Variants in ABCC3 observed in about 807,000 individuals in gnomAD.
ABCC3 encodes the protein ATP-binding cassette sub-family C member 3.
Under a neutral mutation model 165.3 loss-of-function variants are expected in ABCC3, and 121 were observed. The ratio of observed to expected loss-of-function variants is 0.73; its 90% CI spans 0.63 to 0.85. The LOEUF is 0.85. Among genes scored for constraint, ABCC3 ranks in the 40% least tolerant of loss-of-function variants. The pLI is 0.00. For missense variants in ABCC3, 1,869 were observed against 1,964.1 expected (o/e 0.95, Z 0.92); for synonymous variants, 733 against 810.1 (o/e 0.90, Z 1.62).
chr17:50,639,817 G>A (rs1159834163), intron 1 of ABCC3, among the ~76,000 whole-genome samples: 3 of 150,844 alleles, frequency 2.0e-5, no homozygotes, highest in Admixed American at 6.6e-5. Context: ...AGGCTGAAGT[G>A]CAGTAGCACA....
intron 1 of ABCC3, among the ~76,000 whole-genome samples, chr17:50,645,170 C>T (rs1966979502): frequency 6.6e-6 from 1 of 151,244 alleles, no homozygotes; most frequent in Non-Finnish European, 1.5e-5. Context: ...CACTGCACTC[C>T]AGCCTGGGTG....
chr17:50,672,870 G>GAAAA, intron 17 of ABCC3, 101 bp from the exon 18 acceptor site: 4 of 959,226 alleles, frequency 4.2e-6, no homozygotes, highest in African/African-American at 1.8e-5. Context: ...CCCATCTCAG[G>GAAAA]AAAAAAAAAA....
Position 50,673,465 on chromosome 17 carries a change from C to G in ABCC3, c.2410-4C>G. 1 of 1,613,566 alleles carries G rather than the reference C, an allele frequency of 6.2e-7. No individual in the cohort carries two copies. Among genetic ancestry groups the G allele is most frequent in the Non-Finnish European group, 8.5e-7 (1 of 1,179,686 alleles). On this transcript the variant is annotated splice_region_variant and splice_polypyrimidine_tract_variant and intron_variant, in intron 18 of 30. Coordinates refer to ENST00000285238, the MANE Select transcript of ABCC3 (RefSeq NM_003786.4). ...GGGGTGAGAGCCTGCTGCCTTCTCC[C>G]CAGACGCGAGTGCTGGTGACGCACG...
rs753736110 is a variant in ABCC3 at position 50,660,960 on chromosome 17, G to A, written c.844G>A (p.Gly282Ser). 6.4e-5 allele frequency: 103 copies of A among 1,612,370 alleles called. No individual in the cohort carries two copies. Among genetic ancestry groups the A allele is most frequent in the Middle Eastern group, 3.3e-4 (2 of 6,066 alleles). ...AGCAGCACCTGGGAAAAATGCCTCC[G>A]GCGAGGACGAGGTGCTGCTGGGTGC... ...ASAAPGKNAS[G>S]EDEVLLGARP... Residue 282 changes from glycine to serine, a missense_variant, in exon 8 of 31, where the codon GGC becomes AGC. Transcript: ENST00000285238.
chr17:50,687,060 GA>G (rs1413802981), intron 29 of ABCC3, among the ~76,000 whole-genome samples: 1 of 152,196 alleles, frequency 6.6e-6, no homozygotes, highest in Non-Finnish European at 1.5e-5. Context: ...TCTTGTCCCA[GA>G]AGCAGAGCCC....
chr17:50,678,328 C>A, intron 25 of ABCC3, 109 bp downstream of exon 25: 3 of 1,208,182 alleles, frequency 2.5e-6, no homozygotes, highest in African/African-American at 1.5e-5. Flanking sequence ...GCACCAGCCA[C>A]AGGGTCTGTT....
In ABCC3 at chr17:50,687,555, G is replaced by C. The variant is rs559149910; in HGVS notation, c.4300G>C (p.Val1434Leu). 4.3e-6 allele frequency: 7 copies of C among 1,613,666 alleles called. No homozygotes were observed. The highest frequency in any genetic ancestry group is 1.1e-5 in the South Asian group (1 of 91,090). Residue 1434 changes from valine to leucine, a missense_variant, in exon 30 of 31, where the codon GTG becomes CTG. By Grantham distance (32) the Val-to-Leu change is conservative. Transcript: ENST00000285238. Reference protein sequence around the residue: ...ENLSVGQRQLVCLARALLRKS... With the variant: ...ENLSVGQRQLLCLARALLRKS... ...TCCCAGCGTGGGCCAGAGGCAGCTC[G>C]TGTGCCTGGCCCGAGCCCTGCTCCG...
chr17:50,680,745 C>T (rs577550395), intron 26 of ABCC3, among the ~76,000 whole-genome samples: 1 of 152,236 alleles, frequency 6.6e-6, no homozygotes, highest in African/African-American at 2.4e-5. Flanking sequence ...CTGAGCCCAC[C>T]AATCTGCCTT....
intron 29 of ABCC3, among the ~76,000 whole-genome samples, chr17:50,685,221 C>T (rs909970563): frequency 6.6e-6 from 1 of 152,186 alleles, no homozygotes; most frequent in African/African-American, 2.4e-5. Flanking sequence ...CCTCTCCCCT[C>T]CAGAGCTTTC....
chr17:50,667,681 G>T lies in ABCC3; in HGVS notation c.1559G>T (p.Gly520Val), dbSNP rs1297397783. 45 of 1,614,058 alleles carry T rather than the reference G, an allele frequency of 2.8e-5. No individual in the cohort carries two copies. Among genetic ancestry groups the T allele is most frequent in the Non-Finnish European group, 3.6e-5 (43 of 1,180,040 alleles). The change falls in exon 12 of 31, where the codon GGT becomes GTT. Residue 520 changes from glycine to valine, a missense_variant. Transcript: ENST00000285238. ...FLKQVEGIRQ[G>V]ELQLLRTAAY... ...AAGCAGGTGGAGGGCATCAGGCAGG[G>T]TGAGCTCCAGCTGCTGCGCACGGCG...
chr17:50,637,782 CG>C (rs2054193117), intron 1 of ABCC3, among the ~76,000 whole-genome samples: 1 of 152,148 alleles, frequency 6.6e-6, no homozygotes, highest in Non-Finnish European at 1.5e-5. Context: ...TGACATTCCC[CG>C]GAAGAGGGAG....
chr17:50,672,921 C>T lies in ABCC3; in HGVS notation c.2242-50C>T, dbSNP rs34925102. ...CAAATAACAGTGGACAGGCCGTTGTCTCCCTGTGCCTGTCTGACCCCATTT... is the reference window on the plus strand; with the variant it reads ...CAAATAACAGTGGACAGGCCGTTGTTTCCCTGTGCCTGTCTGACCCCATTT... On this transcript the variant is annotated intron_variant, in intron 17 of 30. Coordinates refer to ENST00000285238, the MANE Select transcript of ABCC3 (RefSeq NM_003786.4). The T allele has an allele frequency of 7.8e-4, 1,216 of 1,549,578 alleles. 7 individuals carry two copies. The Middle Eastern group carries it at 0.022, about 28-fold the overall frequency.
chr17:50,659,031 G>C (rs1967319795), intron 6 of ABCC3, among the ~76,000 whole-genome samples: 1 of 152,162 alleles, frequency 6.6e-6, no homozygotes, highest in African/African-American at 2.4e-5. Context: ...AGGAGAAGGG[G>C]GTAGTGGTAG....
At chr17:50,653,344 CAAAAAAAAA>C (rs1298179994) in intron 1 of ABCC3, among the ~76,000 whole-genome samples, 1 of 47,758 alleles carries the variant, frequency 2.1e-5, no homozygotes. Flanking sequence ...GAGACTGTCT[CAAAAAAAAA>C]AAAAAAAAAA....
rs1315164599 is a variant in ABCC3, at chr17:50,691,227, C to A, written c.*27C>A. The A allele has an allele frequency of 3.2e-6, 5 of 1,565,720 alleles. No homozygotes were observed. The highest frequency in any genetic ancestry group is 1.4e-5 in the African/African-American group (1 of 73,950). ...ATATATTCCTGAGATTTCCTCCTGG[C>A]CTTTCCTGGTTTTCATCAGGAAGGA... On this transcript the variant is annotated 3_prime_UTR_variant, in exon 31 of 31. Transcript: ENST00000285238.
chr17:50,642,238 A>G (rs547203707), intron 1 of ABCC3, among the ~76,000 whole-genome samples: 13 of 152,336 alleles, frequency 8.5e-5, no homozygotes, highest in East Asian at 7.7e-4. Flanking sequence ...CGTGTTTTGT[A>G]TGACGTGTCC....
chr17:50,688,190 G>A (rs559057873), intron 30 of ABCC3, among the ~76,000 whole-genome samples: 155 of 152,244 alleles, frequency 1.0e-3, no homozygotes, highest in Non-Finnish European at 1.9e-3. Flanking sequence ...GATTACAGGC[G>A]TGAGCCACTG....
At position 50,683,713 on chromosome 17, in the gene ABCC3, T is replaced by A. The variant is rs954030232; in HGVS notation, c.3911T>A (p.Leu1304Gln). 6.2e-7 allele frequency: 1 copy of A among 1,608,290 alleles called. No individual in the cohort carries two copies. Among genetic ancestry groups the A allele is most frequent in the African/African-American group, 1.3e-5 (1 of 74,592 alleles). ...YSVRYRPGLD[L>Q]VLRDLSLHVH... ...GTGCGCTACCGGCCGGGCCTAGACC[T>A]GGTGCTGAGAGACCTGAGTCTGCAT... The change falls in exon 27 of 31, where the codon CTG becomes CAG. Residue 1304 changes from leucine to glutamine, a missense_variant. Transcript: ENST00000285238.
At position 50,667,789 on chromosome 17, in the gene ABCC3, T is replaced by A. The variant is rs201806971; in HGVS notation, c.1635+32T>A. ...CTTGGCACAGGGCTGGGTCCCTGCC[T>A]CCAGGGCTCTGGGTGCCCAGGCATG... On this transcript the variant is annotated intron_variant, in intron 12 of 30. Coordinates refer to ENST00000285238, the MANE Select transcript of ABCC3 (RefSeq NM_003786.4). 2.0e-5 allele frequency: 33 copies of A among 1,613,912 alleles called. No individual in the cohort carries two copies. In the African/African-American group the frequency reaches 2.5e-4, roughly 12 times the overall value.
Sources: gnomAD v4.1 joint callset for allele counts (sites outside exome capture counted in the v4.1 genomes callset) on GRCh38, gnomAD v4.1.1 for gene constraint, MANE v1.5 for transcripts, NCBI Gene and HGNC (gene_info 2026-07-23, HGNC 2026-07-21) for gene names.